FAM81A: variants seen among roughly 807,000 people sequenced by gnomAD.
FAM81A encodes protein FAM81A.
In FAM81A, 19 loss-of-function variants were observed where a neutral mutation model predicts 46.7. The ratio of observed to expected loss-of-function variants is 0.41; its 90% CI spans 0.28 to 0.60. The LOEUF (loss-of-function observed/expected upper bound fraction) is 0.60. Among genes scored for constraint, FAM81A ranks in the 20% least tolerant of loss-of-function variants. The pLI, the probability that FAM81A is intolerant of heterozygous loss-of-function variation, is 0.34. For missense variants in FAM81A, 377 were observed against 453.5 expected (o/e 0.83, Z 1.53); for synonymous variants, 183 against 152.9 (o/e 1.20, Z -1.45).
At chr15:59,487,947 AAC>A (rs755061365) in intron 3 of FAM81A, among the ~76,000 whole-genome samples, 39 of 127,260 alleles carry the variant, frequency 3.1e-4, no homozygotes, top group African/African-American at 1.3e-3. Flanking sequence ...GCAAAACAAA[AAC>A]AAAAACAACA....
upstream of FAM81A, among the ~76,000 whole-genome samples, chr15:59,434,824 G>T (rs1596468736): frequency 6.6e-6 from 1 of 152,182 alleles, no homozygotes; most frequent in African/African-American, 2.4e-5. Context: ...TGGCCCAACT[G>T]CTTTCCAGCC....
intron 4 of FAM81A, among the ~76,000 whole-genome samples, chr15:59,494,535 TC>T (rs146795471): frequency 0.081 from 12,265 of 152,280 alleles, 594 homozygotes; most frequent in African/African-American, 0.13. Context: ...CAGTTTCTTA[TC>T]AACTTCTCTA....
intron 4 of FAM81A, among the ~76,000 whole-genome samples, chr15:59,505,903 C>T (rs935627841): frequency 6.6e-6 from 1 of 152,176 alleles, no homozygotes; most frequent in African/African-American, 2.4e-5. Context: ...AGTCTCTAAC[C>T]ATTAGCCACT....
At position 59,491,655 on chromosome 15, in the gene FAM81A, G is replaced by A. The variant is rs542229052; in HGVS notation, c.295-616G>A. Among the ~76,000 whole-genome samples the A allele has an allele frequency of 2.2e-4, 33 of 152,252 alleles. 1 individual carries two copies. In the South Asian group the frequency reaches 6.4e-3, roughly 30 times the overall value. ...CTGATGTGATTATTACACATTGCATGCCTGTATCAAAATAGCCCATGGCTC... is the reference window on the plus strand; with the variant it reads ...CTGATGTGATTATTACACATTGCATACCTGTATCAAAATAGCCCATGGCTC... On this transcript the variant is annotated intron_variant, in intron 3 of 8. Coordinates refer to ENST00000288228, the MANE Select transcript of FAM81A (RefSeq NM_152450.3).
At chr15:59,474,048 A>G (rs1348549854) in intron 3 of FAM81A, among the ~76,000 whole-genome samples, 1 of 152,186 alleles carries the variant, frequency 6.6e-6, no homozygotes, top group Non-Finnish European at 1.5e-5. Context: ...CCTTCATTTT[A>G]GGAAGCCCTC....
chr15:59,465,116 TG>T (rs1416133336), intron 3 of FAM81A, among the ~76,000 whole-genome samples: 2 of 152,228 alleles, frequency 1.3e-5, no homozygotes, highest in African/African-American at 4.8e-5. Flanking sequence ...CAAAATCAGA[TG>T]GCTGTAGATA....
chr15:59,511,837 G>C (rs1381547411), intron 6 of FAM81A, among the ~76,000 whole-genome samples: 1 of 152,052 alleles, frequency 6.6e-6, no homozygotes, highest in African/African-American at 2.4e-5. Flanking sequence ...TTTTGGTAGA[G>C]ATGGGGTTTC....
chr15:59,466,319 C>T (rs2081612379), intron 3 of FAM81A, among the ~76,000 whole-genome samples: 1 of 152,208 alleles, frequency 6.6e-6, no homozygotes, highest in African/African-American at 2.4e-5. Context: ...TACACTCCCA[C>T]CAACAGTGTA....
chr15:59,473,066 C>T (rs1441777452), intron 3 of FAM81A, among the ~76,000 whole-genome samples: 1 of 152,124 alleles, frequency 6.6e-6, no homozygotes, highest in East Asian at 1.9e-4. Context: ...GATAGCTCTG[C>T]TGCACCTAAA....
At chr15:59,461,847 C>G (rs2081555093) in intron 3 of FAM81A, among the ~76,000 whole-genome samples, 1 of 151,996 alleles carries the variant, frequency 6.6e-6, no homozygotes, top group Admixed American at 6.6e-5. Context: ...GTCTTTATTT[C>G]TCTTGGGTAA....
At chr15:59,487,195 A>ATATATTATATATATATTTTATATG (rs2081927528) in intron 3 of FAM81A, among the ~76,000 whole-genome samples, 1 of 146,944 alleles carries the variant, frequency 6.8e-6, no homozygotes, top group South Asian at 2.1e-4. Context: ...TATTTTATAT[A>ATATATTATATATATATTTTATATG]TATATTATAT....
intron 4 of FAM81A, among the ~76,000 whole-genome samples, chr15:59,506,439 C>T (rs1257350357): frequency 6.6e-6 from 1 of 152,124 alleles, no homozygotes; most frequent in East Asian, 1.9e-4. Flanking sequence ...GAGTGCTGTT[C>T]TAGGCCCACC....
chr15:59,450,461 A>C (rs1021924956), intron 1 of FAM81A, among the ~76,000 whole-genome samples: 3 of 152,038 alleles, frequency 2.0e-5, no homozygotes, highest in African/African-American at 7.2e-5. Flanking sequence ...GTGCATCTTC[A>C]GCTTTACTAG....
At chr15:59,457,103 G>A (rs1293702884) in intron 1 of FAM81A, among the ~76,000 whole-genome samples, 9 of 152,060 alleles carry the variant, frequency 5.9e-5, no homozygotes, top group South Asian at 2.1e-4. Context: ...TTTTATTTAC[G>A]GTAGTCCCCC....
chr15:59,415,758 G>C (rs554732725), intron 2 of FAM81A, among the ~76,000 whole-genome samples: 39 of 152,300 alleles, frequency 2.6e-4, no homozygotes, highest in Non-Finnish European at 4.1e-4. Flanking sequence ...TTTAATGACA[G>C]CAAAAAGAAT....
intron 3 of FAM81A, among the ~76,000 whole-genome samples, chr15:59,484,126 T>C (rs1377181463): frequency 1.3e-5 from 2 of 152,188 alleles, no homozygotes; most frequent in Non-Finnish European, 2.9e-5. Flanking sequence ...AATGGGGCCC[T>C]GCAGCCACAA....
intron 1 of FAM81A, among the ~76,000 whole-genome samples, chr15:59,447,413 G>A (rs1388592290): frequency 2.0e-5 from 3 of 152,232 alleles, no homozygotes; most frequent in East Asian, 1.9e-4. Context: ...TGCTAGCCCA[G>A]TATATTTCTT....
chr15:59,492,627 C>G (rs747946170), intron 4 of FAM81A, among the ~76,000 whole-genome samples: 15 of 152,124 alleles, frequency 9.9e-5, no homozygotes, highest in African/African-American at 2.9e-4. Context: ...GATGGGAGAA[C>G]TCACTCAGCT....
At chr15:59,416,780 A>T (rs1042745876) in intron 2 of FAM81A, among the ~76,000 whole-genome samples, 5 of 152,186 alleles carry the variant, frequency 3.3e-5, no homozygotes, top group Non-Finnish European at 7.3e-5. Context: ...CATACCTGTC[A>T]TGCTTAGCGG....
Sources: gnomAD v4.1 joint callset for allele counts (sites outside exome capture counted in the v4.1 genomes callset) on GRCh38, gnomAD v4.1.1 for gene constraint, MANE v1.5 for transcripts, NCBI Gene and HGNC (gene_info 2026-07-23, HGNC 2026-07-21) for gene names.